Variants in EPHA6 observed in about 807,000 individuals in gnomAD.
EPHA6 encodes ephrin type-A receptor 6.
A neutral mutation model predicts 112.0 loss-of-function variants in EPHA6; 50 were observed. The ratio of observed to expected loss-of-function variants is 0.45; its 90% CI spans 0.36 to 0.56. The LOEUF (loss-of-function observed/expected upper bound fraction) is 0.56. Ranked by LOEUF, EPHA6 falls within the 20% of genes least tolerant of loss-of-function variation. EPHA6 has a pLI of 0.00. For synonymous variants in EPHA6, 529 were observed against 490.7 expected, an observed-to-expected ratio of 1.08 and a Z score of -1.03; for missense variants, 1,280 against 1,417.4, an observed-to-expected ratio of 0.90 and a Z score of 1.56.
intron 14 of EPHA6, among the ~76,000 whole-genome samples, chr3:97,667,542 G>C (rs559351312): frequency 1.4e-4 from 21 of 152,252 alleles, no homozygotes; most frequent in African/African-American, 5.1e-4. Context: ...GAAAGATGTT[G>C]CTAAAAAGAC....
intron 5 of EPHA6, among the ~76,000 whole-genome samples, chr3:97,347,231 C>A (rs1038472473): frequency 2.0e-5 from 3 of 152,040 alleles, no homozygotes; most frequent in Non-Finnish European, 4.4e-5. Flanking sequence ...AAAATATCTT[C>A]ATAATTTACT....
At chr3:97,696,257 G>A (rs570668382) in intron 14 of EPHA6, among the ~76,000 whole-genome samples, 1 of 152,326 alleles carries the variant, frequency 6.6e-6, no homozygotes, top group Non-Finnish European at 1.5e-5. Context: ...GGCTATGAGA[G>A]GGAGAACAGA....
Position 97,614,454 on chromosome 3 carries a change from C to G in EPHA6, c.2574+3600C>G, listed in dbSNP as rs570964948. Among the ~76,000 whole-genome samples, 6 of 150,484 alleles carry G rather than the reference C, an allele frequency of 4.0e-5. No individual in the cohort carries two copies. In the East Asian group the frequency reaches 7.8e-4, roughly 20 times the overall value. On this transcript the variant is annotated intron_variant, in intron 13 of 17. Coordinates refer to ENST00000389672, the MANE Select transcript of EPHA6 (RefSeq NM_001080448.3). Reference sequence around the variant, plus strand: ...GGTTCAAGTGATTCTCCTGCCTCAGCCTCCCAAGTAACTGGAACTACAGGT... The same window carrying G: ...GGTTCAAGTGATTCTCCTGCCTCAGGCTCCCAAGTAACTGGAACTACAGGT...
In EPHA6 at chr3:97,360,236, ATCAACT is replaced by A. The variant is rs551073175; in HGVS notation, c.1607-44909_1607-44904del. On this transcript the variant is annotated intron_variant, in intron 5 of 17. Coordinates refer to ENST00000389672, the MANE Select transcript of EPHA6 (RefSeq NM_001080448.3). ...AGCTGCTACCGTGCTAAGATCTGAA[ATCAACT>A]TCAATTTATCATCTAAACCTATCAC... Among the ~76,000 whole-genome samples, 323 of 152,298 alleles carry A rather than the reference ATCAACT, an allele frequency of 2.1e-3. 2 individuals are homozygous for A. Among genetic ancestry groups the A allele is most frequent in the African/African-American group, 7.5e-3 (313 of 41,570 alleles).
rs2035861318 is a variant in EPHA6 at position 97,750,151 on chromosome 3, T to C, written c.*1450T>C. Among the ~76,000 whole-genome samples the C allele has an allele frequency of 6.6e-6, 1 of 152,148 alleles. No individual in the cohort carries two copies. The highest frequency in any genetic ancestry group is 1.5e-5 in the Non-Finnish European group (1 of 68,028). ...CGACTGTTTTAGGTGAAAGAGTAAG[T>C]AAAATGTGTTGAGAGAAAAAAACAG... On this transcript the variant is annotated 3_prime_UTR_variant, in exon 18 of 18. Transcript: ENST00000389672.
intron 3 of EPHA6, among the ~76,000 whole-genome samples, chr3:97,114,032 A>AC (rs1227721836): frequency 1.3e-5 from 2 of 152,106 alleles, no homozygotes; most frequent in African/African-American, 4.8e-5. Flanking sequence ...CACGAGGAGG[A>AC]GGTGGTTACT....
At position 97,324,455 on chromosome 3, in the gene EPHA6, T is replaced by TTC; in HGVS notation, c.1606+80170_1606+80171dup. On this transcript the variant is annotated intron_variant, in intron 5 of 17. Coordinates refer to ENST00000389672, the MANE Select transcript of EPHA6 (RefSeq NM_001080448.3). The stretch of plus-strand genomic sequence containing the variant: ...TTTCTTTCTTTCTTTCTTTCTTTCT[T>TTC]TCTTTCTTTCTTTCTTTTTCTTTCG... Among the ~76,000 whole-genome samples the TTC allele has an allele frequency of 1.3e-5, 2 of 148,772 alleles. 1 individual carries two copies. The highest frequency in any genetic ancestry group is 4.2e-4 in the South Asian group (2 of 4,772).
At chr3:96,994,730 T>TAGAGAGAGAGAGAG (rs1325190702) in intron 3 of EPHA6, among the ~76,000 whole-genome samples, 1 of 82,850 alleles carries the variant, frequency 1.2e-5, no homozygotes, top group African/African-American at 7.2e-5. Context: ...TATATATATA[T>TAGAGAGAGAGAGAG]ATAGAGAGAG....
At chr3:97,035,758 T>G (rs2045067877) in intron 3 of EPHA6, among the ~76,000 whole-genome samples, 1 of 152,032 alleles carries the variant, frequency 6.6e-6, no homozygotes. Flanking sequence ...TGTTAGTCAT[T>G]TATAATGTAT....
At chr3:97,100,688 T>C (rs1472471866) in intron 3 of EPHA6, among the ~76,000 whole-genome samples, 1 of 151,972 alleles carries the variant, frequency 6.6e-6, no homozygotes, top group Non-Finnish European at 1.5e-5. Flanking sequence ...CCAAATATTT[T>C]TCCTTTATTT....
intron 10 of EPHA6, among the ~76,000 whole-genome samples, chr3:97,486,521 A>G (rs565842673): frequency 7.2e-5 from 11 of 152,310 alleles, no homozygotes; most frequent in Admixed American, 3.3e-4. Flanking sequence ...GAGGGGCCAC[A>G]TCTGCTGAGG....
intron 3 of EPHA6, among the ~76,000 whole-genome samples, chr3:97,038,414 C>T (rs577812500): frequency 2.6e-5 from 4 of 152,116 alleles, no homozygotes; most frequent in African/African-American, 9.6e-5. Flanking sequence ...CAATATTTGT[C>T]TATCTGTGCT....
intron 6 of EPHA6, among the ~76,000 whole-genome samples, chr3:97,410,455 C>A (rs1250495068): frequency 6.6e-6 from 1 of 152,018 alleles, no homozygotes; most frequent in Non-Finnish European, 1.5e-5. Context: ...ATCTTTACTT[C>A]CAGGAAAGCT....
chr3:97,059,284 A>T (rs1460202187), intron 3 of EPHA6, among the ~76,000 whole-genome samples: 3 of 152,170 alleles, frequency 2.0e-5, no homozygotes, highest in East Asian at 3.8e-4. Context: ...TGCAAAATAA[A>T]ACCAGCTGCC....
Position 97,019,140 on chromosome 3 carries a change from A to T in EPHA6, c.1114+31147A>T, listed in dbSNP as rs564468288. Among the ~76,000 whole-genome samples the T allele has an allele frequency of 3.9e-5, 6 of 152,282 alleles. No homozygotes were observed. In the East Asian group the frequency reaches 7.7e-4, roughly 20 times the overall value. ...ATATTCATATATAATCATATCTAAG[A>T]TCTATATCTGATATAACTATTCTTA... On this transcript the variant is annotated intron_variant, in intron 3 of 17. Transcript: ENST00000389672.
chr3:97,398,753 C>T (rs1048422363), intron 5 of EPHA6, among the ~76,000 whole-genome samples: 4 of 151,394 alleles, frequency 2.6e-5, no homozygotes, highest in Admixed American at 2.0e-4. Flanking sequence ...AATACATACT[C>T]TTTTTCCACT....
intron 11 of EPHA6, among the ~76,000 whole-genome samples, chr3:97,541,105 C>T (rs1412103898): frequency 6.6e-6 from 1 of 151,756 alleles, no homozygotes; most frequent in Non-Finnish European, 1.5e-5. Flanking sequence ...TAACAGACCC[C>T]CTTTTAATGC....
rs556527361 is a variant in EPHA6 at position 97,756,906 on chromosome 3, T to A, written c.*8205T>A. Reference sequence around the variant, plus strand: ...ATTGAATATATACAGGATATAAATATCTTTGGGATATTTTACATAATCATA... The same window carrying A: ...ATTGAATATATACAGGATATAAATAACTTTGGGATATTTTACATAATCATA... On this transcript the variant is annotated 3_prime_UTR_variant, in exon 18 of 18. Transcript: ENST00000389672. 2.6e-5 allele frequency among the ~76,000 whole-genome samples: 4 copies of A among 152,016 alleles called. No homozygotes were observed. The South Asian group carries it at 8.3e-4, about 31-fold the overall frequency.
At chr3:97,150,953 A>G (rs536818215) in intron 3 of EPHA6, among the ~76,000 whole-genome samples, 36 of 152,194 alleles carry the variant, frequency 2.4e-4, no homozygotes, top group African/African-American at 7.7e-4. Flanking sequence ...CATTTATCAG[A>G]TTTTTTAAAG....
Sources: gnomAD v4.1 joint callset for allele counts (sites outside exome capture counted in the v4.1 genomes callset) on GRCh38, gnomAD v4.1.1 for gene constraint, MANE v1.5 for transcripts, NCBI Gene and HGNC (gene_info 2026-07-23, HGNC 2026-07-21) for gene names.